TBC1D16: variants seen among roughly 807,000 people sequenced by gnomAD.
TBC1D16 encodes the protein CTD-2529O21.1.
TBC1D16 carries 58 observed loss-of-function variants against 74.7 expected under a neutral mutation model. The observed-to-expected ratio is 0.78, with a 90% CI of 0.63 to 0.97. The LOEUF is 0.97. Among genes scored for constraint, TBC1D16 ranks in the 50% least tolerant of loss-of-function variants. The pLI is 0.00. For missense variants in TBC1D16, 1,014 were observed against 1,079.5 expected, an observed-to-expected ratio of 0.94 and a Z score of 0.85; for synonymous variants, 493 against 474.7, an observed-to-expected ratio of 1.04 and a Z score of -0.50.
intron 3 of TBC1D16, among the ~76,000 whole-genome samples, chr17:80,003,015 G>A (rs922540028): frequency 5.9e-5 from 9 of 152,334 alleles, no homozygotes; most frequent in Admixed American, 4.6e-4. Context: ...GGTGGGCTGG[G>A]GATTCAGCAG....
At chr17:79,952,462 C>A (rs939666642) in intron 4 of TBC1D16, among the ~76,000 whole-genome samples, 195 bp downstream of exon 4, 1 of 152,246 alleles carries the variant, frequency 6.6e-6, no homozygotes, top group African/African-American at 2.4e-5. Context: ...GCTCACCCAG[C>A]CTGAGAACTG....
In TBC1D16 at chr17:79,979,274, A is replaced by G. The variant is rs1398606804; in HGVS notation, c.780-26456T>C. 1.3e-5 allele frequency among the ~76,000 whole-genome samples: 2 copies of G among 150,760 alleles called. No homozygotes were observed. The highest frequency in any genetic ancestry group is 3.0e-5 in the Non-Finnish European group (2 of 67,596). On this transcript the variant is annotated intron_variant, in intron 3 of 11. Coordinates refer to ENST00000310924, the MANE Select transcript of TBC1D16 (RefSeq NM_019020.4). The surrounding 1 kb of genome is among the most constrained non-coding windows in gnomAD (Gnocchi z 4.8). ...GCTCCGGGGATGCACACCCACGCCC[A>G]GAGCACACGCGCTCCGGGGACGCAC... is the stretch of plus-strand genomic sequence containing the variant.
intron 3 of TBC1D16, among the ~76,000 whole-genome samples, chr17:79,982,839 A>G (rs372418846): frequency 4.6e-5 from 7 of 152,300 alleles, no homozygotes; most frequent in South Asian, 2.1e-4. Flanking sequence ...AGCCTGGGCG[A>G]CAGAGCAAGA....
rs533972185 is a variant in TBC1D16 at position 79,945,741 on chromosome 17, T to C, written c.1729-654A>G. The stretch of plus-strand genomic sequence containing the variant: ...ATGAGCCGTCAGAGGCGAATGGCGT[T>C]GGACACTGTAACTGCCTCCCCAAGC... On this transcript the variant is annotated intron_variant, in intron 9 of 11. Transcript: ENST00000310924. 4.1e-4 allele frequency among the ~76,000 whole-genome samples: 62 copies of C among 152,354 alleles called. No individual in the cohort carries two copies. The East Asian group carries it at 0.012, about 29-fold the overall frequency.
chr17:79,977,192 G>A (rs2144206040), intron 3 of TBC1D16, among the ~76,000 whole-genome samples: 1 of 152,236 alleles, frequency 6.6e-6, no homozygotes, highest in East Asian at 1.9e-4. Flanking sequence ...AAGCTTTCCT[G>A]AAGCCCCACT....
chr17:79,948,669 G>A (rs1237390429), intron 8 of TBC1D16, among the ~76,000 whole-genome samples: 1 of 152,156 alleles, frequency 6.6e-6, no homozygotes, highest in South Asian at 2.1e-4. Context: ...AGGGACCTGG[G>A]TGGCTTCCCT....
chr17:80,028,047 T>C (rs2036645349), intron 1 of TBC1D16, among the ~76,000 whole-genome samples: 1 of 152,206 alleles, frequency 6.6e-6, no homozygotes, highest in Admixed American at 6.5e-5. Context: ...CCCGAGTGCA[T>C]GACACCTCCG....
At chr17:80,033,382 GT>G (rs973089345) in intron 1 of TBC1D16, among the ~76,000 whole-genome samples, 30 of 148,454 alleles carry the variant, frequency 2.0e-4, no homozygotes, top group Non-Finnish European at 3.6e-4. Context: ...GGTTTTTTAG[GT>G]TTTTTTTTTA....
intron 1 of TBC1D16, among the ~76,000 whole-genome samples, chr17:80,014,809 A>C (rs992275390): frequency 6.6e-6 from 1 of 152,188 alleles, no homozygotes; most frequent in East Asian, 1.9e-4. Flanking sequence ...AGAAAAAAAA[A>C]ATAGAAAATG....
intron 4 of TBC1D16, 39 bp from the exon 5 acceptor site, chr17:79,951,636 A>C (rs1396093504): frequency 6.2e-7 from 1 of 1,600,470 alleles, no homozygotes; most frequent in African/African-American, 1.3e-5. Flanking sequence ...AAGCCCGATG[A>C]ATATGTAAAC....
intron 3 of TBC1D16, among the ~76,000 whole-genome samples, chr17:79,970,377 A>G (rs1412733123): frequency 6.6e-6 from 1 of 152,174 alleles, no homozygotes; most frequent in Non-Finnish European, 1.5e-5. Context: ...TCATGAATGT[A>G]CTAACTGCCA....
chr17:79,949,574 A>C, intron 7 of TBC1D16, 143 bp downstream of exon 7: 3 of 1,053,404 alleles, frequency 2.8e-6, no homozygotes, highest in Non-Finnish European at 4.1e-6. Flanking sequence ...CCTATCACTC[A>C]CGTTCCTGGG....
chr17:79,947,686 A>G lies in TBC1D16; in HGVS notation c.1687T>C (p.Phe563Leu). Reference protein sequence around the residue: ...CFVGLMQNTIFVSSPRDEDME... With the variant: ...CFVGLMQNTILVSSPRDEDME... ...TCCTCGTCCCGGGGTGAGCTGACGA[A>G]GATCGTGTTCTGCATCAAACCCACA... is the stretch of plus-strand genomic sequence containing the variant. The change falls in exon 9 of 12, where the codon TTC becomes CTC. Residue 563 changes from phenylalanine to leucine, a missense_variant. Physicochemically the swap from Phe to Leu is conservative, Grantham distance 22. Transcript: ENST00000310924. 6.2e-7 allele frequency: 1 copy of G among 1,614,134 alleles called. No homozygotes were observed. Among genetic ancestry groups the G allele is most frequent in the Non-Finnish European group, 8.5e-7 (1 of 1,180,032 alleles).
chr17:79,999,086 T>C (rs1284684408), intron 3 of TBC1D16, among the ~76,000 whole-genome samples: 1 of 151,878 alleles, frequency 6.6e-6, no homozygotes, highest in Non-Finnish European at 1.5e-5. Flanking sequence ...CGAAACCCCA[T>C]CTCTAGTAAA....
At chr17:80,005,085 GTTGTTT>G (rs1202027240) in intron 3 of TBC1D16, among the ~76,000 whole-genome samples, 1 of 150,242 alleles carries the variant, frequency 6.7e-6, no homozygotes, top group Non-Finnish European at 1.5e-5. Flanking sequence ...TTTTGTTGTT[GTTGTTT>G]TTGTTTTTGA....
At chr17:79,949,034 G>C (rs767537428) in intron 7 of TBC1D16, 28 bp from the exon 8 acceptor site, 4 of 1,613,346 alleles carry the variant, frequency 2.5e-6, no homozygotes, top group Non-Finnish European at 3.4e-6. Flanking sequence ...CCCAGCCGGG[G>C]TCAGCGGGTG....
intron 1 of TBC1D16, among the ~76,000 whole-genome samples, chr17:80,028,756 G>A (rs1460402339): frequency 1.3e-5 from 2 of 151,154 alleles, no homozygotes; most frequent in African/African-American, 2.4e-5. Context: ...AATTACAGGC[G>A]CGCGCCACCA....
At chr17:80,033,732 A>G (rs184826866) in intron 1 of TBC1D16, among the ~76,000 whole-genome samples, 15 of 152,292 alleles carry the variant, frequency 9.8e-5, no homozygotes, top group Non-Finnish European at 1.9e-4. Context: ...ATTACCCAAA[A>G]CTGTGGACAG....
intron 7 of TBC1D16, among the ~76,000 whole-genome samples, chr17:79,949,262 G>C (rs1157087787): frequency 6.6e-6 from 1 of 152,258 alleles, no homozygotes; most frequent in Non-Finnish European, 1.5e-5. Flanking sequence ...AGTGGGTAAT[G>C]AGGCCTTGGC....
Sources: allele counts gnomAD v4.1 joint callset (sites outside exome capture counted in the v4.1 genomes callset), GRCh38; gene constraint gnomAD v4.1.1; non-coding constraint Gnocchi (gnomAD v3.1); transcripts MANE v1.5; gene names NCBI Gene and HGNC (gene_info 2026-07-23, HGNC 2026-07-21).